Variants in CSMD1 observed in about 807,000 individuals in gnomAD.
The protein encoded by CSMD1 is CUB and Sushi multiple domains 1, also known as CUB and sushi domain-containing protein 1.
In CSMD1, 213 loss-of-function variants were observed where a neutral mutation model predicts 417.5. The ratio of observed to expected loss-of-function variants is 0.51; its 90% CI spans 0.46 to 0.57. The LOEUF (loss-of-function observed/expected upper bound fraction) is 0.57. Ranked by LOEUF, CSMD1 falls within the 20% of genes least tolerant of loss-of-function variation. CSMD1 has a pLI of 0.00. For synonymous variants in CSMD1, 2,862 were observed against 1,736.8 expected (o/e 1.65, Z -16.11); for missense variants, 6,923 against 4,529.7 (o/e 1.53, Z -15.17).
intron 37 of CSMD1, among the ~76,000 whole-genome samples, chr8:3,165,939 A>G (rs982488673): frequency 6.6e-6 from 1 of 152,138 alleles, no homozygotes; most frequent in African/African-American, 2.4e-5. Context: ...AATAACATAG[A>G]AGACAAGGCA....
intron 3 of CSMD1, among the ~76,000 whole-genome samples, chr8:4,255,356 C>G (rs958927954): frequency 2.0e-5 from 3 of 152,160 alleles, no homozygotes; most frequent in South Asian, 4.1e-4. Flanking sequence ...TTCTTGAGCC[C>G]AGAGCCCAGA....
chr8:3,439,309 A>ATATTT lies in CSMD1; in HGVS notation c.1561+29402_1561+29403insAAATA. ...TATATATATATATATATATATATAT[A>ATATTT]TTTTTTTTTTTAATATGTATTTTTA... On this transcript the variant is annotated intron_variant, in intron 12 of 69. Coordinates refer to ENST00000635120, the MANE Select transcript of CSMD1 (RefSeq NM_033225.6). Among the ~76,000 whole-genome samples the ATATTT allele has an allele frequency of 3.9e-3, 241 of 62,402 alleles. 3 individuals carry two copies. The highest frequency in any genetic ancestry group is 0.015 in the East Asian group (26 of 1,742). The allele number at this position is 62,402 out of a possible 152,430, so 40.9% of individuals were successfully genotyped here.
intron 5 of CSMD1, among the ~76,000 whole-genome samples, chr8:3,797,535 C>T (rs761650837): frequency 7.9e-5 from 12 of 151,878 alleles, no homozygotes; most frequent in Non-Finnish European, 1.5e-4. Flanking sequence ...TAGGCAAGCT[C>T]TCTTAAATTT....
intron 10 of CSMD1, among the ~76,000 whole-genome samples, chr8:3,541,705 T>C (rs2117567970): frequency 6.7e-6 from 1 of 149,300 alleles, no homozygotes; most frequent in East Asian, 1.9e-4. Context: ...AGAAAATTCA[T>C]TTTTCTTTAT....
At chr8:4,414,820 A>AGTT (rs1796838617) in intron 3 of CSMD1, among the ~76,000 whole-genome samples, 1 of 152,148 alleles carries the variant, frequency 6.6e-6, no homozygotes, top group African/African-American at 2.4e-5. Flanking sequence ...CCTTAGAGTT[A>AGTT]GTTATTGCCC....
At chr8:4,089,279 G>C (rs1369150251) in intron 3 of CSMD1, among the ~76,000 whole-genome samples, 3 of 152,122 alleles carry the variant, frequency 2.0e-5, no homozygotes, top group East Asian at 3.9e-4. Context: ...GAATTAGTGG[G>C]GTGCCTGCCA....
Position 4,768,129 on chromosome 8 carries a change from A to G in CSMD1, c.86-130571T>C, listed in dbSNP as rs116701207. 2.0e-3 allele frequency among the ~76,000 whole-genome samples: 309 copies of G among 152,206 alleles called. 1 individual carries two copies. The highest frequency in any genetic ancestry group is 7.2e-3 in the African/African-American group (298 of 41,528). Reference sequence around the variant, plus strand: ...TCATAACTGTAAAAGAAAATTATAAACAGATGTTTTGGAAAACAAAACTAG... The same window carrying G: ...TCATAACTGTAAAAGAAAATTATAAGCAGATGTTTTGGAAAACAAAACTAG... On this transcript the variant is annotated intron_variant, in intron 1 of 69. Coordinates refer to ENST00000635120, the MANE Select transcript of CSMD1 (RefSeq NM_033225.6).
intron 8 of CSMD1, among the ~76,000 whole-genome samples, chr8:3,589,381 TG>T (rs1413335418): frequency 3.9e-5 from 2 of 51,838 alleles, no homozygotes; most frequent in East Asian, 7.6e-4. Context: ...GAAAATGTGG[TG>T]TGTGTGTGTG....
chr8:3,711,063 TTTTCCTATAGCAAATGTTTGCTATA>T (rs887672772), intron 6 of CSMD1, among the ~76,000 whole-genome samples: 15 of 152,164 alleles, frequency 9.9e-5, no homozygotes, highest in Non-Finnish European at 1.5e-4. Flanking sequence ...GTCTGAGATA[TTTTCCTATAGCAAATGTTTGCTATA>T]TTTCCTATAG....
chr8:4,552,193 A>G (rs930111302), intron 2 of CSMD1, among the ~76,000 whole-genome samples: 2 of 152,202 alleles, frequency 1.3e-5, no homozygotes, highest in Non-Finnish European at 2.9e-5. Context: ...GATACAAAGC[A>G]TGCTATTCTA....
intron 3 of CSMD1, among the ~76,000 whole-genome samples, chr8:4,154,504 G>A (rs529619097): frequency 4.2e-4 from 64 of 152,302 alleles, no homozygotes; most frequent in African/African-American, 8.2e-4. Flanking sequence ...AAAACTGTGT[G>A]CAGACAAGAG....
intron 3 of CSMD1, among the ~76,000 whole-genome samples, chr8:4,089,034 A>C (rs1001443798): frequency 6.6e-6 from 1 of 152,232 alleles, no homozygotes; most frequent in Admixed American, 6.5e-5. Flanking sequence ...TTATTCTTGT[A>C]GAGAATGAAG....
chr8:3,667,498 G>A lies in CSMD1; in HGVS notation c.1009+40916C>T, dbSNP rs76539858. Among the ~76,000 whole-genome samples the A allele has an allele frequency of 6.4e-3, 980 of 152,202 alleles. 38 individuals carry two copies. The East Asian group carries it at 0.12, about 19-fold the overall frequency. The stretch of plus-strand genomic sequence containing the variant: ...CAAACAATGCAGGGCCAGGGTGGCT[G>A]GAGCCAACTAGGGGATGGGAGCTGT... On this transcript the variant is annotated intron_variant, in intron 7 of 69. Transcript: ENST00000635120.
intron 5 of CSMD1, among the ~76,000 whole-genome samples, chr8:3,763,344 TG>T (rs1193696579): frequency 6.6e-6 from 1 of 152,102 alleles, no homozygotes. Context: ...GTTGGTGTCA[TG>T]GGGGCAGAAC....
intron 45 of CSMD1, 33 bp from the exon 46 acceptor site, chr8:3,106,674 G>C (rs745458297): frequency 1.5e-6 from 2 of 1,357,972 alleles, no homozygotes; most frequent in Admixed American, 1.8e-5. Flanking sequence ...CCAGGAAATT[G>C]TGTGTGACCT....
chr8:4,815,694 C>CAAAAAAAAAA (rs1218931391), intron 1 of CSMD1, among the ~76,000 whole-genome samples: 24 of 67,480 alleles, frequency 3.6e-4, no homozygotes, highest in Non-Finnish European at 4.7e-4. Context: ...AAAGCTGTCT[C>CAAAAAAAAAA]AAAAAAAAAA....
chr8:4,206,785 T>C (rs1487586303), intron 3 of CSMD1, among the ~76,000 whole-genome samples: 4 of 152,196 alleles, frequency 2.6e-5, no homozygotes, highest in Admixed American at 2.6e-4. Context: ...TAAATGGTAG[T>C]TGATTATATA....
chr8:3,440,135 G>T (rs552879835), intron 12 of CSMD1, among the ~76,000 whole-genome samples: 1 of 152,118 alleles, frequency 6.6e-6, no homozygotes, highest in African/African-American at 2.4e-5. Context: ...AGCTATTCCA[G>T]TTCCTCTACA....
At chr8:3,772,430 T>C (rs1428064573) in intron 5 of CSMD1, among the ~76,000 whole-genome samples, 1 of 127,678 alleles carries the variant, frequency 7.8e-6, no homozygotes, top group Non-Finnish European at 1.6e-5. Context: ...TACACATATA[T>C]ACATACATTT....
Sources: gnomAD v4.1 joint callset for allele counts (sites outside exome capture counted in the v4.1 genomes callset) on GRCh38, gnomAD v4.1.1 for gene constraint, MANE v1.5 for transcripts, NCBI Gene and HGNC (gene_info 2026-07-23, HGNC 2026-07-21) for gene names.